ANKRD11: variants seen among roughly 807,000 people sequenced by gnomAD.
ANKRD11 encodes ankyrin repeat domain-containing protein 11.
Under a neutral mutation model 195.7 loss-of-function variants are expected in ANKRD11, and 17 were observed. That is an observed-to-expected ratio of 0.09 (90% CI 0.06 to 0.13). The LOEUF (loss-of-function observed/expected upper bound fraction) is 0.13. Among genes scored for constraint, ANKRD11 ranks in the 10% least tolerant of loss-of-function variants. ANKRD11 has a pLI of 1.00. For missense variants in ANKRD11, 3,735 were observed against 3,566.1 expected, an observed-to-expected ratio of 1.05 and a Z score of -1.21; for synonymous variants, 1,953 against 1,528.1, an observed-to-expected ratio of 1.28 and a Z score of -6.49.
chr16:89,415,390 G>T (rs1419290315), intron 2 of ANKRD11, among the ~76,000 whole-genome samples: 1 of 147,150 alleles, frequency 6.8e-6, no homozygotes, highest in Non-Finnish European at 1.5e-5. Context: ...TCAGCCTCCC[G>T]AGTAGCTGGG....
At chr16:89,446,950 A>C (rs1338797631) in intron 1 of ANKRD11, among the ~76,000 whole-genome samples, 2 of 152,094 alleles carry the variant, frequency 1.3e-5, no homozygotes, top group East Asian at 3.9e-4. Context: ...CTCACTCTGC[A>C]CCAAGTGCCT....
chr16:89,420,380 A>T (rs2042464056), intron 1 of ANKRD11: 1 of 152,220 alleles, frequency 6.6e-6, no homozygotes, highest in African/African-American at 2.4e-5. Flanking sequence ...CAGTAAGGCC[A>T]CCCAGCAAAT....
At chr16:89,376,722 C>A (rs991751191) in intron 2 of ANKRD11, among the ~76,000 whole-genome samples, 2 of 152,138 alleles carry the variant, frequency 1.3e-5, no homozygotes, top group African/African-American at 4.8e-5. Context: ...TACAGGCGTG[C>A]GCCACCACGC....
intron 2 of ANKRD11, among the ~76,000 whole-genome samples, chr16:89,385,811 C>T (rs1190451355): frequency 6.6e-6 from 1 of 152,244 alleles, no homozygotes; most frequent in African/African-American, 2.4e-5. Flanking sequence ...TCACCCCCGC[C>T]GCTGCGCAGC....
intron 1 of ANKRD11, among the ~76,000 whole-genome samples, chr16:89,429,384 C>T (rs1305035845): frequency 2.7e-5 from 1 of 37,486 alleles, no homozygotes; most frequent in South Asian, 1.7e-3. Flanking sequence ...ACAGCAGGGA[C>T]TCTCAACTCT....
intron 1 of ANKRD11, among the ~76,000 whole-genome samples, chr16:89,482,102 C>CA: frequency 6.6e-6 from 1 of 152,194 alleles, no homozygotes; most frequent in Admixed American, 6.5e-5. Context: ...AGTGAGCAGC[C>CA]AATGAACATC....
At chr16:89,456,893 G>A (rs1001747812) in intron 1 of ANKRD11, among the ~76,000 whole-genome samples, 5 of 152,034 alleles carry the variant, frequency 3.3e-5, no homozygotes, top group African/African-American at 9.6e-5. Context: ...TTGTAAATGT[G>A]CTACAGGCCA....
chr16:89,322,337 C>T (rs557188496), intron 2 of ANKRD11, among the ~76,000 whole-genome samples: 1 of 152,352 alleles, frequency 6.6e-6, no homozygotes, highest in East Asian at 1.9e-4. Flanking sequence ...GTTGATAGAA[C>T]AGGCCTTTAC....
chr16:89,399,630 C>A, intron 2 of ANKRD11, among the ~76,000 whole-genome samples: 1 of 152,116 alleles, frequency 6.6e-6, no homozygotes, highest in Non-Finnish European at 1.5e-5. Context: ...TGCACAGCAC[C>A]CGGTGGACCC....
At chr16:89,364,823 G>A (rs956578524) in intron 2 of ANKRD11, among the ~76,000 whole-genome samples, 1 of 152,188 alleles carries the variant, frequency 6.6e-6, no homozygotes, top group African/African-American at 2.4e-5. Context: ...GTGGAAGCTT[G>A]CTCAGCACCA....
In ANKRD11 at chr16:89,282,078, G is replaced by T. The variant is rs148191751; in HGVS notation, c.4464C>A (p.His1488Gln). ...TGTGATGCCGCAGGAGCTCGTCCCTGTGATGCCGCAGCAGCCCATCCGCAT... is the reference window on the plus strand; with the variant it reads ...TGTGATGCCGCAGGAGCTCGTCCCTTTGATGCCGCAGCAGCCCATCCGCAT... ...DRHADGLLRH[H>Q]RDELLRHHRD... is the part of the protein sequence containing the mutation. The change falls in exon 9 of 13, where the codon CAC (histidine) becomes CAA (glutamine). Residue 1488 changes from histidine to glutamine, a missense_variant. By Grantham distance (24) the His-to-Gln change is conservative. Coordinates refer to ENST00000301030, the MANE Select transcript of ANKRD11 (RefSeq NM_013275.6). 4.5e-5 allele frequency: 73 copies of T among 1,613,368 alleles called. No homozygotes were observed. The African/African-American group carries it at 9.1e-4, about 20-fold the overall frequency.
intron 2 of ANKRD11, among the ~76,000 whole-genome samples, chr16:89,380,714 C>A (rs2040606060): frequency 6.6e-6 from 1 of 152,226 alleles, no homozygotes; most frequent in East Asian, 1.9e-4. Context: ...GCCTGCTTTC[C>A]AGGGAAGAGA....
At chr16:89,393,215 C>A (rs915515783) in intron 2 of ANKRD11, among the ~76,000 whole-genome samples, 1 of 152,172 alleles carries the variant, frequency 6.6e-6, no homozygotes, top group Non-Finnish European at 1.5e-5. Context: ...GCCTCATTCA[C>A]CTGTTCCCAC....
chr16:89,287,538 A>G (rs2151777377), intron 7 of ANKRD11: 1 of 181,780 alleles, frequency 5.5e-6, no homozygotes, highest in East Asian at 1.4e-4. Flanking sequence ...TTCCCCTCAC[A>G]CCTGCCCTCC....
chr16:89,413,267 A>AT (rs941811440), intron 2 of ANKRD11, among the ~76,000 whole-genome samples: 37 of 152,104 alleles, frequency 2.4e-4, no homozygotes, highest in African/African-American at 8.2e-4. Flanking sequence ...TACTACGCAT[A>AT]TTTTTTTGAT....
chr16:89,301,225 G>C (rs2035835960), intron 4 of ANKRD11: 2 of 407,722 alleles, frequency 4.9e-6, no homozygotes, highest in Non-Finnish European at 8.6e-6. Flanking sequence ...TCCCGCCAAA[G>C]TGCTGGAAGG....
chr16:89,349,084 CACCACTGCACTCT>C (rs2152023444), intron 2 of ANKRD11, among the ~76,000 whole-genome samples: 1 of 126,228 alleles, frequency 7.9e-6, no homozygotes, highest in Non-Finnish European at 1.6e-5. Context: ...GTCTAGATGG[CACCACTGCACTCT>C]AGCCTGGGGG....
intron 3 of ANKRD11, among the ~76,000 whole-genome samples, chr16:89,314,381 C>T (rs151156383): frequency 2.0e-4 from 31 of 152,294 alleles, no homozygotes; most frequent in African/African-American, 7.0e-4. Flanking sequence ...GAACAGAGCT[C>T]GCATCGACAT....
At chr16:89,303,375 G>A (rs2035968526) in intron 4 of ANKRD11, among the ~76,000 whole-genome samples, 1 of 152,218 alleles carries the variant, frequency 6.6e-6, no homozygotes, top group East Asian at 1.9e-4. Flanking sequence ...TAAAGCCCGA[G>A]AGTACACAGC....
Sources: allele counts gnomAD v4.1 joint callset (sites outside exome capture counted in the v4.1 genomes callset), GRCh38; gene constraint gnomAD v4.1.1; transcripts MANE v1.5; gene names NCBI Gene and HGNC (gene_info 2026-07-23, HGNC 2026-07-21).